The following LMO7 variants were observed in gnomAD, a reference collection of about 807,000 sequenced individuals.
LMO7 encodes LIM domain 7.
A neutral mutation model predicts 206.5 loss-of-function variants in LMO7; 120 were observed. That is an observed-to-expected ratio of 0.58 (90% CI 0.50 to 0.68). The LOEUF (loss-of-function observed/expected upper bound fraction) is 0.68, where lower values mean the gene tolerates loss of function less well. Ranked by LOEUF, LMO7 falls within the 30% of genes least tolerant of loss-of-function variation. The probability of loss-of-function intolerance (pLI) is 0.00; values close to 1 mark genes in which losing one functional copy is unlikely to be tolerated. For synonymous variants in LMO7, 706 were observed against 681.5 expected, an observed-to-expected ratio of 1.04 and a Z score of -0.56; for missense variants, 1,959 against 1,957.9, an observed-to-expected ratio of 1.00 and a Z score of -0.01.
intron 1 of LMO7, among the ~76,000 whole-genome samples, chr13:75,663,423 TC>T (rs2038795972): frequency 3.1e-5 from 3 of 97,038 alleles, no homozygotes; most frequent in African/African-American, 1.1e-4. Flanking sequence ...TTTCTTTCTT[TC>T]TTTCTTTCTT....
rs545636915 is a variant in LMO7 at position 75,817,887 on chromosome 13, A to AT, written c.2064+617dup. On this transcript the variant is annotated intron_variant, in intron 12 of 30. Coordinates refer to ENST00000377534, the MANE Select transcript of LMO7 (RefSeq NM_001306080.2). ...TGATCCTGAAGAAAAAAGCTTGACCATTTTTTTTAATAGAGTAATTGTCAT... is the reference window on the plus strand; with the variant it reads ...TGATCCTGAAGAAAAAAGCTTGACCATTTTTTTTTAATAGAGTAATTGTCAT... Among the ~76,000 whole-genome samples, 689 of 152,072 alleles carry AT rather than the reference A, an allele frequency of 4.5e-3. 4 individuals are homozygous for AT. Among genetic ancestry groups the AT allele is most frequent in the African/African-American group, 0.016 (652 of 41,476 alleles).
In LMO7 at chr13:75,859,419, T is replaced by C. The variant is rs2061156008; in HGVS notation, c.*1476T>C. On this transcript the variant is annotated 3_prime_UTR_variant, in exon 31 of 31. Transcript: ENST00000377534. Reference sequence around the variant, plus strand: ...TATAATTATTTATAAGTATAGATTGTGAATTTTTCCATGTTCTTAAAATTA... The same window carrying C: ...TATAATTATTTATAAGTATAGATTGCGAATTTTTCCATGTTCTTAAAATTA... 1.3e-5 allele frequency: 2 copies of C among 152,222 alleles called. No individual in the cohort carries two copies. Among genetic ancestry groups the C allele is most frequent in the African/African-American group, 4.8e-5 (2 of 41,472 alleles). The allele number at this position is 152,222 out of a possible 1,614,324, so 9.4% of individuals were successfully genotyped here. A position where few individuals can be genotyped will look rare whatever the true frequency, so the allele number is the denominator to read the frequency against.
At chr13:75,700,666 A>G (rs13378674) in intron 1 of LMO7, among the ~76,000 whole-genome samples, 12,569 of 152,274 alleles carry the variant, frequency 0.083, 710 homozygotes, top group Middle Eastern at 0.2. Context: ...GGGTGACTTG[A>G]ACACAAACAC....
At chr13:75,738,347 T>C (rs1418363913) in intron 3 of LMO7, among the ~76,000 whole-genome samples, 3 of 152,194 alleles carry the variant, frequency 2.0e-5, no homozygotes, top group Non-Finnish European at 4.4e-5. Context: ...TATGGACCTG[T>C]GGGAAAACCA....
At chr13:75,771,693 T>TC (rs1566424332) in intron 4 of LMO7, among the ~76,000 whole-genome samples, 1 of 135,764 alleles carries the variant, frequency 7.4e-6, no homozygotes, top group Non-Finnish European at 1.6e-5. Flanking sequence ...CCTCCAAACG[T>TC]CCTTGGCTGG....
chr13:75,661,583 A>G (rs552728432), intron 1 of LMO7, among the ~76,000 whole-genome samples: 1 of 152,180 alleles, frequency 6.6e-6, no homozygotes. Context: ...GAAAAAGTAG[A>G]TAAGTCACCA....
At chr13:75,748,962 C>T (rs1360752141) in intron 3 of LMO7, among the ~76,000 whole-genome samples, 2 of 151,874 alleles carry the variant, frequency 1.3e-5, no homozygotes, top group Non-Finnish European at 2.9e-5. Flanking sequence ...CAGGCACTGG[C>T]CCCCTGCTAA....
At chr13:75,793,614 CAA>C (rs1482397908) in intron 4 of LMO7, among the ~76,000 whole-genome samples, 1 of 152,174 alleles carries the variant, frequency 6.6e-6, no homozygotes, top group African/African-American at 2.4e-5. Flanking sequence ...TCTTTTTACT[CAA>C]GAGTTAAGCT....
chr13:75,760,894 A>C, intron 3 of LMO7, 38 bp from the exon 4 acceptor site: 3 of 1,611,004 alleles, frequency 1.9e-6, no homozygotes, highest in Non-Finnish European at 2.5e-6. Context: ...TCTGAGAGAG[A>C]GCTCAGCTAA....
At position 75,727,030 on chromosome 13, in the gene LMO7, T is replaced by C. The variant is rs773401112; in HGVS notation, c.142T>C (p.Leu48=). 3 of 1,554,050 alleles carry C rather than the reference T, an allele frequency of 1.9e-6. No individual in the cohort carries two copies. The South Asian group carries it at 3.4e-5, about 17-fold the overall frequency. ...CATCTGTTATTTATTTACTTTCAGT[T>C]TGATTAATAAGCTTAAACCTGGCGT... ...SLENGVLLCD[L]INKLKPGVIK... The change falls in exon 3 of 31, where the codon TTG becomes CTG. Residue 48 remains leucine (L), a splice_region_variant and synonymous_variant. Transcript: ENST00000377534.
chr13:75,732,209 C>T (rs959883285), intron 3 of LMO7, among the ~76,000 whole-genome samples: 2 of 152,198 alleles, frequency 1.3e-5, no homozygotes, highest in Non-Finnish European at 2.9e-5. Context: ...GGATAATATC[C>T]TGCAGAGTGT....
At chr13:75,806,020 C>T in intron 9 of LMO7, 1 of 1,203,028 alleles carries the variant, frequency 8.3e-7, no homozygotes, top group Non-Finnish European at 1.0e-6. Context: ...TTCTTTGTCT[C>T]ATTCCCTCTT....
chr13:75,728,730 G>A (rs1433590043), intron 3 of LMO7, among the ~76,000 whole-genome samples: 1 of 133,108 alleles, frequency 7.5e-6, no homozygotes, highest in Middle Eastern at 3.2e-3. Flanking sequence ...TAATGCCTAG[G>A]TTTTCTTCTA....
At position 75,694,953 on chromosome 13, in the gene LMO7, G is replaced by A. The variant is rs576470583; in HGVS notation, c.70-18229G>A. 3.7e-4 allele frequency among the ~76,000 whole-genome samples: 57 copies of A among 152,242 alleles called. 1 individual carries two copies. The highest frequency in any genetic ancestry group is 2.1e-4 in the Non-Finnish European group (14 of 68,000). On this transcript the variant is annotated intron_variant, in intron 1 of 30. Transcript: ENST00000377534. ...CTGGCAAGTCAACCTTCACAGTTTCGAGGGTGAAGCAATCATCCTTGAGGA... is the reference window on the plus strand; with the variant it reads ...CTGGCAAGTCAACCTTCACAGTTTCAAGGGTGAAGCAATCATCCTTGAGGA...
chr13:75,800,823 TG>T lies in LMO7; in HGVS notation c.605del (p.Gly202AlafsTer5), dbSNP rs1157041556. On this transcript the variant is annotated frameshift_variant, in exon 7 of 31. Coordinates refer to ENST00000377534, the MANE Select transcript of LMO7 (RefSeq NM_001306080.2). LOFTEE classifies it high-confidence loss of function. Reference protein sequence around the residue: ...REDSFESLDSLGSRSLTSCSS... With the variant: ...REDSFESLDSXGSRSLTSCSS... ...GATTCCTTTGAAAGCTTGGACTCTT[TG>T]GGCTCGAGGTCATTGACAAGCTGCT... is the stretch of plus-strand genomic sequence containing the variant. 2 of 1,614,092 alleles carry T rather than the reference TG, an allele frequency of 1.2e-6. No homozygotes were observed. Among genetic ancestry groups the T allele is most frequent in the Non-Finnish European group, 1.7e-6 (2 of 1,179,992 alleles).
chr13:75,819,272 T>C, intron 12 of LMO7, 121 bp from the exon 13 acceptor site: 3 of 1,222,872 alleles, frequency 2.5e-6, no homozygotes, highest in South Asian at 3.7e-5. Flanking sequence ...TTAGGGCACC[T>C]TGGCATCCAG....
At chr13:75,713,589 T>G (rs767311403) in intron 2 of LMO7, among the ~76,000 whole-genome samples, 1 of 152,254 alleles carries the variant, frequency 6.6e-6, no homozygotes, top group African/African-American at 2.4e-5. Context: ...CTGAATATTC[T>G]AATGGGTAGA....
At chr13:75,705,504 G>T (rs910997586) in intron 1 of LMO7, among the ~76,000 whole-genome samples, 20 of 152,100 alleles carry the variant, frequency 1.3e-4, no homozygotes, top group African/African-American at 4.8e-4. Flanking sequence ...TACAAGGCAG[G>T]GTGTGGCTGT....
At chr13:75,727,954 C>T (rs933892197) in intron 3 of LMO7, among the ~76,000 whole-genome samples, 30 of 152,000 alleles carry the variant, frequency 2.0e-4, no homozygotes, top group African/African-American at 6.3e-4. Flanking sequence ...AGGACATGAA[C>T]GCATCATTTT....
Sources: gnomAD v4.1 joint callset for allele counts (sites outside exome capture counted in the v4.1 genomes callset) on GRCh38, gnomAD v4.1.1 for gene constraint, MANE v1.5 for transcripts, NCBI Gene and HGNC (gene_info 2026-07-23, HGNC 2026-07-21) for gene names.